The following DIS3L2 variants were observed in gnomAD, a reference collection of about 807,000 sequenced individuals.
DIS3L2 encodes DIS3-like exonuclease 2.
DIS3L2 carries 34 observed loss-of-function variants against 97.5 expected under a neutral mutation model. The observed-to-expected ratio is 0.35, with a 90% CI of 0.27 to 0.46. The LOEUF (loss-of-function observed/expected upper bound fraction) is 0.46, where lower values mean the gene tolerates loss of function less well. Ranked by LOEUF, DIS3L2 falls within the 20% of genes least tolerant of loss-of-function variation. The probability of loss-of-function intolerance (pLI) is 1.00; values close to 1 mark genes in which losing one functional copy is unlikely to be tolerated. For missense variants in DIS3L2, 1,038 were observed against 1,146.0 expected (o/e 0.91, Z 1.36); for synonymous variants, 435 against 445.2 (o/e 0.98, Z 0.29).
rs1191793012 is a variant in DIS3L2, at chr2:232,078,019, T to C, written c.367-9468T>C. On this transcript the variant is annotated intron_variant, in intron 5 of 20. Transcript: ENST00000325385. ...TTTCTTTCTTTCTTTCTTTCTTTCT[T>C]TTTCTCTTTCTCTTTCTCTTTCTTT... Among the ~76,000 whole-genome samples the C allele has an allele frequency of 6.7e-3, 638 of 94,642 alleles. 2 individuals are homozygous for C. Among genetic ancestry groups the C allele is most frequent in the Non-Finnish European group, 0.01 (492 of 47,530 alleles). The allele number at this position is 94,642 out of a possible 152,430, so 62.1% of individuals were successfully genotyped here. A position where few individuals can be genotyped will look rare whatever the true frequency, so the allele number is the denominator to read the frequency against.
At chr2:232,111,179 A>T in intron 6 of DIS3L2, 5 of 470,142 alleles carry the variant, frequency 1.1e-5, no homozygotes, top group South Asian at 7.8e-5. Flanking sequence ...GATATAGTTC[A>T]TCCCTTCTGT....
intron 6 of DIS3L2, among the ~76,000 whole-genome samples, chr2:232,089,632 T>G (rs1201720898): frequency 6.6e-6 from 1 of 152,244 alleles, no homozygotes; most frequent in African/African-American, 2.4e-5. Flanking sequence ...AAAGGAACAC[T>G]TTAAAGCATA....
chr2:232,131,663 A>G (rs1296753085), intron 7 of DIS3L2: 1 of 152,156 alleles, frequency 6.6e-6, no homozygotes, highest in African/African-American at 2.4e-5. Flanking sequence ...GCATAATGGC[A>G]TGAGGCTTTA....
chr2:232,313,556 A>G (rs565216771), intron 14 of DIS3L2, among the ~76,000 whole-genome samples: 1 of 152,348 alleles, frequency 6.6e-6, no homozygotes, highest in East Asian at 1.9e-4. Flanking sequence ...ACGTGAACCC[A>G]CGAGGTCGTA....
intron 1 of DIS3L2, among the ~76,000 whole-genome samples, chr2:231,967,209 T>C (rs1019669913): frequency 4.6e-5 from 7 of 152,184 alleles, no homozygotes; most frequent in Non-Finnish European, 1.5e-5. Flanking sequence ...GTGGAGTGTC[T>C]GGTAGACACG....
At chr2:232,302,494 C>T (rs1057504487) in intron 14 of DIS3L2, among the ~76,000 whole-genome samples, 3 of 151,548 alleles carry the variant, frequency 2.0e-5, no homozygotes, top group African/African-American at 7.3e-5. Flanking sequence ...GGTTCATTCT[C>T]AATCTTTAGA....
chr2:232,256,345 A>T (rs1426669796), intron 12 of DIS3L2, among the ~76,000 whole-genome samples: 1 of 152,136 alleles, frequency 6.6e-6, no homozygotes, highest in Non-Finnish European at 1.5e-5. Flanking sequence ...AGCTCCAGGG[A>T]CCTGACATCA....
intron 10 of DIS3L2, among the ~76,000 whole-genome samples, chr2:232,217,632 A>C (rs868861472): frequency 1.3e-5 from 2 of 152,184 alleles, no homozygotes; most frequent in Non-Finnish European, 2.9e-5. Context: ...AATTTGCTAG[A>C]GTGGCTCACG....
intron 14 of DIS3L2, 28 bp from the exon 15 acceptor site, chr2:232,329,785 T>TCCCCGGGGGGAC: frequency 1.0e-6 from 1 of 967,142 alleles, no homozygotes; most frequent in Non-Finnish European, 1.5e-6. Flanking sequence ...ACCCCAGCGG[T>TCCCCGGGGGGAC]CCCTCCCATC....
intron 9 of DIS3L2, among the ~76,000 whole-genome samples, chr2:232,167,002 G>A (rs1276670315): frequency 5.4e-5 from 8 of 148,204 alleles, no homozygotes; most frequent in African/African-American, 1.8e-4. Context: ...GATAGAGTGC[G>A]TCTCAGTCAA....
intron 1 of DIS3L2, among the ~76,000 whole-genome samples, chr2:232,012,102 C>T (rs1162324496): frequency 1.3e-5 from 2 of 152,220 alleles, no homozygotes; most frequent in African/African-American, 4.8e-5. Context: ...CGTTCTTCCC[C>T]CATTCTTTGC....
chr2:232,134,139 A>T (rs1698294599), intron 7 of DIS3L2, among the ~76,000 whole-genome samples: 1 of 152,122 alleles, frequency 6.6e-6, no homozygotes, highest in Admixed American at 6.6e-5. Context: ...GAATTAACCC[A>T]ATTTGAACAA....
At chr2:232,333,024 TG>T (rs1300353365) in intron 16 of DIS3L2, among the ~76,000 whole-genome samples, 1 of 151,836 alleles carries the variant, frequency 6.6e-6, no homozygotes, top group Admixed American at 6.6e-5. Flanking sequence ...ACAGGCTCCT[TG>T]GCTTCTGCTT....
chr2:232,294,669 C>T (rs957765618), intron 13 of DIS3L2, among the ~76,000 whole-genome samples: 1 of 152,156 alleles, frequency 6.6e-6, no homozygotes, highest in Non-Finnish European at 1.5e-5. Flanking sequence ...TATCCAGTGA[C>T]TCCCACACTC....
intron 8 of DIS3L2, among the ~76,000 whole-genome samples, chr2:232,155,681 T>C (rs1053325974): frequency 5.9e-5 from 9 of 152,160 alleles, no homozygotes; most frequent in African/African-American, 1.9e-4. Context: ...AGGAAGGATC[T>C]AGAGATGAGG....
At chr2:232,342,244 TATATACAC>T (rs1283173971) in intron 13 of DIS3L2, among the ~76,000 whole-genome samples, 2 of 143,102 alleles carry the variant, frequency 1.4e-5, no homozygotes, top group Admixed American at 1.4e-4. Flanking sequence ...CACATACACA[TATATACAC>T]ATACACACAT....
chr2:232,076,949 C>T (rs1008637562), intron 5 of DIS3L2, among the ~76,000 whole-genome samples: 1 of 152,194 alleles, frequency 6.6e-6, no homozygotes, highest in African/African-American at 2.4e-5. Flanking sequence ...TGCCATTCCT[C>T]TGCCAACACA....
intron 14 of DIS3L2, among the ~76,000 whole-genome samples, chr2:232,315,991 G>A (rs1695263481): frequency 6.6e-6 from 1 of 152,220 alleles, no homozygotes; most frequent in Non-Finnish European, 1.5e-5. Context: ...GGGGGTAGGT[G>A]CCAAACTGGA....
intron 13 of DIS3L2, among the ~76,000 whole-genome samples, chr2:232,280,067 G>T (rs1694243413): frequency 6.6e-6 from 1 of 152,182 alleles, no homozygotes; most frequent in Non-Finnish European, 1.5e-5. Context: ...ACTAACCCAA[G>T]GTCAGAAAGA....
Sources: gnomAD v4.1 joint callset for allele counts (sites outside exome capture counted in the v4.1 genomes callset) on GRCh38, gnomAD v4.1.1 for gene constraint, MANE v1.5 for transcripts, NCBI Gene and HGNC (gene_info 2026-07-23, HGNC 2026-07-21) for gene names.